Variants in REDIC1 observed in about 807,000 individuals in gnomAD.
REDIC1 encodes the protein HEI10 Interacting Protein 1.
At chr12:39,858,702 G>A in the REDIC1 span, among the ~76,000 whole-genome samples, 2 of 152,138 alleles carry the variant, frequency 1.3e-5, no homozygotes, top group African/African-American at 4.8e-5. Context: ...CGCCTCCCAG[G>A]TTCAAGCGAT....
the REDIC1 span, among the ~76,000 whole-genome samples, chr12:39,673,963 T>C: frequency 6.6e-6 from 1 of 152,214 alleles, no homozygotes; most frequent in African/African-American, 2.4e-5. Flanking sequence ...AGATAATGAA[T>C]GTTTTTATTA....
At chr12:39,700,195 A>G in the REDIC1 span, among the ~76,000 whole-genome samples, 3 of 152,194 alleles carry the variant, frequency 2.0e-5, no homozygotes, top group Non-Finnish European at 1.5e-5. Context: ...CTTTGAAAAA[A>G]AACTTAGAAG....
At chr12:39,760,976 A>ACACACACACACACAC in the REDIC1 span, among the ~76,000 whole-genome samples, 15 of 150,248 alleles carry the variant, frequency 1.0e-4, no homozygotes, top group East Asian at 3.9e-4. Flanking sequence ...ACACACACAT[A>ACACACACACACACAC]ATTGAATTGC....
At chr12:39,891,926 A>G in the REDIC1 span, among the ~76,000 whole-genome samples, 1 of 152,222 alleles carries the variant, frequency 6.6e-6, no homozygotes, top group Non-Finnish European at 1.5e-5. Context: ...AATTATTGAT[A>G]CCATAGGAGG....
chr12:39,881,347 A>G, the REDIC1 span, among the ~76,000 whole-genome samples: 1 of 152,152 alleles, frequency 6.6e-6, no homozygotes, highest in Admixed American at 6.5e-5. Context: ...AACAATCTGG[A>G]AACTCAAACA....
chr12:39,652,196 C>G, the REDIC1 span, among the ~76,000 whole-genome samples: 1 of 152,028 alleles, frequency 6.6e-6, no homozygotes, highest in Non-Finnish European at 1.5e-5. Flanking sequence ...TCCAAATATA[C>G]CTGCTGTGAC....
chr12:39,766,536 C>T, the REDIC1 span, among the ~76,000 whole-genome samples: 1 of 152,010 alleles, frequency 6.6e-6, no homozygotes, highest in African/African-American at 2.4e-5. Flanking sequence ...GTGGCTGTGG[C>T]AATTTCTCAA....
chr12:39,760,632 C>T, the REDIC1 span, among the ~76,000 whole-genome samples: 1 of 151,902 alleles, frequency 6.6e-6, no homozygotes, highest in Non-Finnish European at 1.5e-5. Context: ...GTATGCTTGC[C>T]TTGTCTATTA....
At chr12:39,896,505 T>C in the REDIC1 span, among the ~76,000 whole-genome samples, 1,870 of 146,704 alleles carry the variant, frequency 0.013, 68 homozygotes, top group African/African-American at 0.043. Flanking sequence ...CATATATGTA[T>C]GTACATGTGT....
the REDIC1 span, among the ~76,000 whole-genome samples, chr12:39,680,978 A>G: frequency 6.3e-4 from 96 of 152,318 alleles, no homozygotes; most frequent in Non-Finnish European, 1.1e-3. Flanking sequence ...AAGGCATAAG[A>G]TTGATATAAT....
chr12:39,690,729 C>T, the REDIC1 span, among the ~76,000 whole-genome samples: 1 of 151,840 alleles, frequency 6.6e-6, no homozygotes, highest in Non-Finnish European at 1.5e-5. Flanking sequence ...ACTATTGGAG[C>T]AAAGACCATA....
chr12:39,693,477 T>C, the REDIC1 span, among the ~76,000 whole-genome samples: 3 of 151,868 alleles, frequency 2.0e-5, no homozygotes, highest in African/African-American at 7.3e-5. Flanking sequence ...AAATAAATCC[T>C]AAAAATATAT....
At chr12:39,711,703 A>G in the REDIC1 span, among the ~76,000 whole-genome samples, 5 of 12,398 alleles carry the variant, frequency 4.0e-4, no homozygotes, top group South Asian at 2.1e-3. Flanking sequence ...GTGTATGTGT[A>G]TACACATGCA....
chr12:39,896,645 A>G, the REDIC1 span, among the ~76,000 whole-genome samples: 2 of 151,716 alleles, frequency 1.3e-5, no homozygotes, highest in African/African-American at 2.4e-5. Context: ...CTTCTGGAAG[A>G]AAACAACACT....
the REDIC1 span, among the ~76,000 whole-genome samples, chr12:39,664,938 A>G: frequency 6.6e-6 from 1 of 151,932 alleles, no homozygotes; most frequent in Non-Finnish European, 1.5e-5. Context: ...TTTCTTGTAA[A>G]TTTTTTGGAG....
the REDIC1 span, among the ~76,000 whole-genome samples, chr12:39,735,359 G>A: frequency 1.3e-5 from 2 of 152,166 alleles, no homozygotes; most frequent in African/African-American, 4.8e-5. Flanking sequence ...GGTAGTGACA[G>A]AAAGTTAAGC....
At chr12:39,790,273 GGTTA>G in the REDIC1 span, among the ~76,000 whole-genome samples, 3 of 150,354 alleles carry the variant, frequency 2.0e-5, no homozygotes, top group East Asian at 3.9e-4. Context: ...ACATTGTGCA[GGTTA>G]GTTACATATG....
the REDIC1 span, among the ~76,000 whole-genome samples, chr12:39,750,430 A>G: frequency 6.6e-6 from 1 of 152,336 alleles, no homozygotes; most frequent in African/African-American, 2.4e-5. Context: ...ACAAATGGAA[A>G]AACATTCCAT....
the REDIC1 span, among the ~76,000 whole-genome samples, chr12:39,724,475 C>T: frequency 6.6e-6 from 1 of 152,070 alleles, no homozygotes; most frequent in Non-Finnish European, 1.5e-5. Context: ...ACCAACACTT[C>T]CCTTCTTCTC....
Sources: allele counts gnomAD v4.1 joint callset (sites outside exome capture counted in the v4.1 genomes callset), GRCh38; gene constraint gnomAD v4.1.1; transcripts MANE v1.5; gene names NCBI Gene and HGNC (gene_info 2026-07-23, HGNC 2026-07-21).